NLGN1: variants seen among roughly 807,000 people sequenced by gnomAD.
The protein encoded by NLGN1 is neuroligin 1, also known as neuroligin-1.
Under a neutral mutation model 65.5 loss-of-function variants are expected in NLGN1, and 12 were observed. The observed-to-expected ratio is 0.18, with a 90% confidence interval of 0.12 to 0.30. NLGN1 has a LOEUF of 0.30. NLGN1 is among the 10% of genes least tolerant of loss of function. The probability of loss-of-function intolerance (pLI) is 1.00; values close to 1 mark genes in which losing one functional copy is unlikely to be tolerated. For synonymous variants in NLGN1, 350 were observed against 359.5 expected, an observed-to-expected ratio of 0.97 and a Z score of 0.30; for missense variants, 750 against 1,007.1, an observed-to-expected ratio of 0.74 and a Z score of 3.46.
exon 7 of NLGN1, chr3:174,281,399 T>A: frequency 2.7e-6 from 2 of 752,138 alleles, no homozygotes; most frequent in Non-Finnish European, 4.4e-6. Context: ...ACTATTTAAA[T>A]AAGGAGGAAT....
At chr3:174,150,729 G>T (rs1320357410) in intron 4 of NLGN1, among the ~76,000 whole-genome samples, 2 of 152,124 alleles carry the variant, frequency 1.3e-5, no homozygotes, top group Non-Finnish European at 2.9e-5. Flanking sequence ...AGGAAGAAAT[G>T]ATAAATCACT....
intron 4 of NLGN1, among the ~76,000 whole-genome samples, chr3:173,981,471 A>G (rs1718763170): frequency 6.6e-6 from 1 of 152,090 alleles, no homozygotes; most frequent in Non-Finnish European, 1.5e-5. Flanking sequence ...GTCATGGCTC[A>G]CAGGTATCAC....
At chr3:173,448,983 A>G (rs1248420175) in intron 2 of NLGN1, among the ~76,000 whole-genome samples, 3 of 152,038 alleles carry the variant, frequency 2.0e-5, no homozygotes, top group East Asian at 1.9e-4. Context: ...CCAGCGGTCT[A>G]TCAATTTTGT....
At chr3:173,806,649 A>G (rs1181975785) in intron 3 of NLGN1, among the ~76,000 whole-genome samples, 1 of 152,250 alleles carries the variant, frequency 6.6e-6, no homozygotes, top group South Asian at 2.1e-4. Context: ...TAATACGTAG[A>G]TAGAACTATG....
Position 174,199,298 on chromosome 3 carries a change from T to C in NLGN1, c.647-76017T>C, listed in dbSNP as rs150071628. The stretch of plus-strand genomic sequence containing the variant: ...GAATAACACATACCCCGTAAGTTTG[T>C]TATGATGATTTAATAAAACATAAAG... On this transcript the variant is annotated intron_variant, in intron 4 of 6. Coordinates refer to ENST00000457714, the Ensembl canonical transcript of NLGN1. Among the ~76,000 whole-genome samples the C allele has an allele frequency of 5.6e-3, 852 of 151,968 alleles. 5 individuals are homozygous for C. Among genetic ancestry groups the C allele is most frequent in the African/African-American group, 0.019 (796 of 41,338 alleles).
At chr3:174,062,572 T>G (rs2152520529) in intron 4 of NLGN1, among the ~76,000 whole-genome samples, 1 of 152,136 alleles carries the variant, frequency 6.6e-6, no homozygotes, top group African/African-American at 2.4e-5. Context: ...AAAAAAACAC[T>G]AATTATATGA....
intron 3 of NLGN1, among the ~76,000 whole-genome samples, chr3:173,630,573 T>G (rs1346557848): frequency 6.6e-6 from 1 of 152,136 alleles, no homozygotes. Flanking sequence ...CAGATTCACT[T>G]TTTTTTCAGT....
At chr3:173,920,561 C>G (rs1431438518) in intron 4 of NLGN1, 2 of 152,150 alleles carry the variant, frequency 1.3e-5, no homozygotes, top group African/African-American at 4.8e-5. Flanking sequence ...CAGCCACCTT[C>G]AAGCATGTGA....
intron 3 of NLGN1, among the ~76,000 whole-genome samples, chr3:173,699,386 T>C (rs1294082545): frequency 6.6e-6 from 1 of 152,230 alleles, no homozygotes; most frequent in Non-Finnish European, 1.5e-5. Flanking sequence ...ACGTTAAATA[T>C]GTCAAGCTCT....
At chr3:173,893,642 C>G (rs979929977) in intron 4 of NLGN1, among the ~76,000 whole-genome samples, 3 of 152,186 alleles carry the variant, frequency 2.0e-5, no homozygotes, top group African/African-American at 7.2e-5. Flanking sequence ...CACCTTGTGT[C>G]TATCACTTTG....
chr3:174,029,733 A>T (rs1560878462), intron 4 of NLGN1, among the ~76,000 whole-genome samples: 1 of 152,104 alleles, frequency 6.6e-6, no homozygotes, highest in Non-Finnish European at 1.5e-5. Flanking sequence ...CCAGGTGGAG[A>T]TAATTGAATC....
intron 4 of NLGN1, among the ~76,000 whole-genome samples, chr3:174,240,784 G>A (rs139270116): frequency 1.3e-5 from 2 of 152,282 alleles, no homozygotes; most frequent in African/African-American, 2.4e-5. Flanking sequence ...TCAAGCACAT[G>A]TTATATGTAA....
intron 2 of NLGN1, among the ~76,000 whole-genome samples, chr3:173,436,068 T>C (rs892954651): frequency 6.6e-6 from 1 of 152,212 alleles, no homozygotes; most frequent in African/African-American, 2.4e-5. Context: ...ACATGATGTA[T>C]GTTATTAGAG....
chr3:173,920,909 A>T (rs181631473), intron 4 of NLGN1: 1 of 152,162 alleles, frequency 6.6e-6, no homozygotes, highest in African/African-American at 2.4e-5. Context: ...ATATGTTTAA[A>T]ATGAGAAGCT....
At chr3:173,915,878 A>T (rs374039193) in intron 4 of NLGN1, among the ~76,000 whole-genome samples, 1 of 152,002 alleles carries the variant, frequency 6.6e-6, no homozygotes, top group African/African-American at 2.4e-5. Context: ...CAAAGCCTAT[A>T]CTAGTCTTTC....
intron 4 of NLGN1, among the ~76,000 whole-genome samples, chr3:173,993,026 A>C (rs908393557): frequency 6.6e-6 from 1 of 152,204 alleles, no homozygotes; most frequent in African/African-American, 2.4e-5. Flanking sequence ...CTGGGGGATA[A>C]ATGGTTCTTC....
At chr3:174,034,000 T>G (rs1039313798) in intron 4 of NLGN1, among the ~76,000 whole-genome samples, 3 of 151,736 alleles carry the variant, frequency 2.0e-5, no homozygotes, top group African/African-American at 7.3e-5. Flanking sequence ...ACTAAATAAA[T>G]AAACTAAGCA....
chr3:173,917,118 T>C (rs924952372), intron 4 of NLGN1, among the ~76,000 whole-genome samples: 1 of 152,204 alleles, frequency 6.6e-6, no homozygotes, highest in Non-Finnish European at 1.5e-5. Context: ...CAAAGTCAAG[T>C]TGATAAACTA....
At chr3:173,695,929 A>C (rs1009722335) in intron 3 of NLGN1, among the ~76,000 whole-genome samples, 2 of 152,150 alleles carry the variant, frequency 1.3e-5, no homozygotes, top group Non-Finnish European at 2.9e-5. Flanking sequence ...CTCCAATGTC[A>C]GCCTCCTGAG....
Sources: allele counts gnomAD v4.1 joint callset (sites outside exome capture counted in the v4.1 genomes callset), GRCh38; gene constraint gnomAD v4.1.1; transcripts MANE v1.5; gene names NCBI Gene and HGNC (gene_info 2026-07-23, HGNC 2026-07-21).